Variants in DNAH6 observed in about 807,000 individuals in gnomAD.
DNAH6 encodes dynein axonemal heavy chain 6, also known as axonemal beta dynein heavy chain 6.
In DNAH6, 340 loss-of-function variants were observed where a neutral mutation model predicts 491.4. That is an observed-to-expected ratio of 0.69 (90% CI 0.63 to 0.76). DNAH6 has a LOEUF of 0.76. DNAH6 is among the 30% of genes least tolerant of loss of function. DNAH6 has a pLI of 0.00. For synonymous variants in DNAH6, 1,603 were observed against 1,686.1 expected, an observed-to-expected ratio of 0.95 and a Z score of 1.21; for missense variants, 4,443 against 4,972.2, an observed-to-expected ratio of 0.89 and a Z score of 3.20.
rs72832514 is a variant in DNAH6 at position 84,590,105 on chromosome 2, G to T, written c.2610+1151G>T. 6.6e-3 allele frequency among the ~76,000 whole-genome samples: 1,006 copies of T among 152,248 alleles called. 7 individuals are homozygous for T. Among genetic ancestry groups the T allele is most frequent in the Non-Finnish European group, 0.01 (699 of 67,988 alleles). On this transcript the variant is annotated intron_variant, in intron 16 of 76. Coordinates refer to ENST00000389394, the MANE Select transcript of DNAH6 (RefSeq NM_001370.2). ...CTGGTGATACTTGAGGCAGATTTGT[G>T]TGAGTTCAAAGTTGTTCCCAGGTTG...
At chr2:84,675,029 G>C (rs995051231) in intron 40 of DNAH6, among the ~76,000 whole-genome samples, 2 of 152,078 alleles carry the variant, frequency 1.3e-5, no homozygotes, top group Admixed American at 1.3e-4. Context: ...TACCTGGAAG[G>C]GCCCTGCTCT....
At chr2:84,696,784 G>A (rs931028034) in intron 46 of DNAH6, among the ~76,000 whole-genome samples, 2 of 151,976 alleles carry the variant, frequency 1.3e-5, no homozygotes, top group Non-Finnish European at 2.9e-5. Flanking sequence ...TTAAATATTT[G>A]CATCAATGTT....
chr2:84,655,159 A>T (rs180920708), intron 35 of DNAH6, among the ~76,000 whole-genome samples: 39 of 152,232 alleles, frequency 2.6e-4, no homozygotes, highest in Middle Eastern at 3.4e-3. Flanking sequence ...GAAGAAAAAG[A>T]ATATTTAAGT....
At chr2:84,535,870 CTTTG>C (rs1236520080) in intron 4 of DNAH6, among the ~76,000 whole-genome samples, 2 of 151,776 alleles carry the variant, frequency 1.3e-5, no homozygotes, top group African/African-American at 2.4e-5. Flanking sequence ...TCTGGAAGAA[CTTTG>C]TTTAGGAAGA....
chr2:84,762,675 G>A (rs759148995), intron 63 of DNAH6, 80 bp from the exon 64 acceptor site: 2 of 1,002,176 alleles, frequency 2.0e-6, no homozygotes, highest in Non-Finnish European at 3.0e-6. Context: ...ACCAACCTCT[G>A]AGGAGCTGAA....
chr2:84,651,080 G>C (rs79394338), intron 33 of DNAH6, among the ~76,000 whole-genome samples: 2,275 of 152,208 alleles, frequency 0.015, 54 homozygotes, highest in East Asian at 0.09. Context: ...TATTGTCCTG[G>C]ATAGAAGAGT....
chr2:84,658,654 A>G (rs1691205352), intron 36 of DNAH6, among the ~76,000 whole-genome samples, 180 bp downstream of exon 36: 1 of 152,148 alleles, frequency 6.6e-6, no homozygotes, highest in Non-Finnish European at 1.5e-5. Flanking sequence ...GTTAGCATGT[A>G]TAGTTTATTC....
At chr2:84,525,885 T>C in intron 3 of DNAH6, 147 bp downstream of exon 3, 2 of 667,412 alleles carry the variant, frequency 3.0e-6, no homozygotes, top group Non-Finnish European at 5.0e-6. Flanking sequence ...CATTTCTTCA[T>C]CCTATTTAAG....
At position 84,722,538 on chromosome 2, in the gene DNAH6, T is replaced by A; in HGVS notation, c.9793-87T>A. On this transcript the variant is annotated intron_variant, in intron 59 of 76. Coordinates refer to ENST00000389394, the MANE Select transcript of DNAH6 (RefSeq NM_001370.2). ...ACCAACTCATTCTATCCTTATTTCT[T>A]CCCTAGACCTAACTGGATACATTCC... is the stretch of plus-strand genomic sequence containing the variant. The A allele has an allele frequency of 2.6e-6, 3 of 1,155,068 alleles. No individual in the cohort carries two copies. In the African/African-American group the frequency reaches 4.8e-5, roughly 18 times the overall value. The allele number at this position is 1,155,068 out of a possible 1,614,324, so 71.6% of individuals were successfully genotyped here.
At chr2:84,492,425 C>T in the DNAH6 span, among the ~76,000 whole-genome samples, 3 of 152,190 alleles carry the variant, frequency 2.0e-5, no homozygotes, top group Non-Finnish European at 4.4e-5. Flanking sequence ...ATTTCCAGAC[C>T]TGTGTGGTGC....
chr2:84,585,747 A>G (rs1239099571), intron 15 of DNAH6, among the ~76,000 whole-genome samples: 1 of 151,946 alleles, frequency 6.6e-6, no homozygotes, highest in Non-Finnish European at 1.5e-5. Flanking sequence ...ACCTCTCAGC[A>G]GAGAGGGTAG....
chr2:84,770,086 T>C (rs1211474475), intron 64 of DNAH6, among the ~76,000 whole-genome samples: 3 of 152,324 alleles, frequency 2.0e-5, no homozygotes, highest in Non-Finnish European at 4.4e-5. Flanking sequence ...TTTTTGTTGT[T>C]GTTTCAGACA....
chr2:84,473,598 G>T, the DNAH6 span, among the ~76,000 whole-genome samples: 1 of 152,226 alleles, frequency 6.6e-6, no homozygotes, highest in African/African-American at 2.4e-5. Flanking sequence ...ACCTCGTAAA[G>T]TAGAAAAGAG....
At chr2:84,465,366 G>A in the DNAH6 span, among the ~76,000 whole-genome samples, 1 of 152,046 alleles carries the variant, frequency 6.6e-6, no homozygotes, top group African/African-American at 2.4e-5. Flanking sequence ...GTGGTGGCAG[G>A]CACCTGTAGT....
chr2:84,808,626 C>A (rs573697331), intron 72 of DNAH6, 84 bp downstream of exon 72: 2 of 1,386,070 alleles, frequency 1.4e-6, no homozygotes, highest in African/African-American at 1.4e-5. Context: ...CCATTCCCAT[C>A]ACTTCAGCAT....
intron 23 of DNAH6, among the ~76,000 whole-genome samples, chr2:84,617,196 G>A (rs902958149): frequency 1.3e-5 from 2 of 148,828 alleles, no homozygotes; most frequent in African/African-American, 5.1e-5. Context: ...TAAGTAAGAT[G>A]CTGAAACAAT....
Position 84,552,953 on chromosome 2 carries a change from ATC to A in DNAH6, c.1526_1527del (p.Leu509HisfsTer18). The A allele has an allele frequency of 6.2e-7, 1 of 1,610,844 alleles. No individual in the cohort carries two copies. Among genetic ancestry groups the A allele is most frequent in the East Asian group, 2.2e-5 (1 of 44,686 alleles). Reference protein sequence around the residue: ...LMVEKQEEDESLIPMFLTELM... With the variant: ...LMVEKQEEDEXLIPMFLTELM... ...TGGTGGAAAAGCAAGAAGAAGATGA[ATC>A]TCTCATCCCCATGTTTCTCACAGAA... is the stretch of plus-strand genomic sequence containing the variant. On this transcript the variant is annotated frameshift_variant, in exon 10 of 77. Transcript: ENST00000389394. LOFTEE classifies it high-confidence loss of function.
At chr2:84,664,331 G>A (rs181794071) in intron 37 of DNAH6, among the ~76,000 whole-genome samples, 71 of 152,014 alleles carry the variant, frequency 4.7e-4, no homozygotes, top group Admixed American at 9.8e-4. Context: ...AAGACCCATC[G>A]GTGTGCTGTA....
rs1277021979 is a variant in DNAH6, at chr2:84,713,158, G to A, written c.9442G>A (p.Gly3148Ser). ...TTTGAAACAAATTTTTATCAGTGGT[G>A]GCCGACTACTCATCCGTCTTGGAGA... ...ILLKQIFISG[G>S]RLLIRLGDSD... Residue 3148 changes from glycine (G) to serine (S), a missense_variant, in exon 57 of 77, where the codon GGC (glycine) becomes AGC (serine). Around this residue, in one of 3 missense-constraint regions of DNAH6, gnomAD observed 1,463 missense variants for 1,656.6 expected, o/e 0.88. Coordinates refer to ENST00000389394, the MANE Select transcript of DNAH6 (RefSeq NM_001370.2). 3.2e-6 allele frequency: 5 copies of A among 1,551,730 alleles called. No homozygotes were observed. In the East Asian group the frequency reaches 1.2e-4, roughly 38 times the overall value.
Sources: allele counts gnomAD v4.1 joint callset (sites outside exome capture counted in the v4.1 genomes callset), GRCh38; gene constraint gnomAD v4.1.1; regional missense constraint gnomAD v4.1.1; transcripts MANE v1.5; gene names NCBI Gene and HGNC (gene_info 2026-07-23, HGNC 2026-07-21).